The following CALN1 variants were observed in gnomAD, a reference collection of about 807,000 sequenced individuals.
CALN1 encodes calcium-binding protein 8.
A neutral mutation model predicts 30.6 loss-of-function variants in CALN1; 17 were observed. The observed-to-expected ratio is 0.56, with a 90% CI of 0.38 to 0.83. The LOEUF is 0.83. CALN1 is among the 40% of genes least tolerant of loss of function. CALN1 has a pLI of 0.00. For synonymous variants in CALN1, 156 were observed against 131.4 expected, an observed-to-expected ratio of 1.19 and a Z score of -1.28; for missense variants, 291 against 354.9, an observed-to-expected ratio of 0.82 and a Z score of 1.45.
At chr7:72,336,617 G>A (rs1293181601) in intron 2 of CALN1, 2 of 896,488 alleles carry the variant, frequency 2.2e-6, no homozygotes, top group African/African-American at 1.8e-5. Context: ...CCGGGGGTTT[G>A]GACACCCTAG....
intron 3 of CALN1, among the ~76,000 whole-genome samples, chr7:72,221,344 G>A (rs541885621): frequency 3.0e-3 from 425 of 140,416 alleles, no homozygotes; most frequent in South Asian, 0.019. Context: ...TTGAGACGGG[G>A]TATCTATCTG....
At chr7:71,901,196 G>T (rs1210918742) in intron 5 of CALN1, among the ~76,000 whole-genome samples, 1 of 151,982 alleles carries the variant, frequency 6.6e-6, no homozygotes, top group Non-Finnish European at 1.5e-5. Context: ...AAAATACCTA[G>T]AAATGCATTT....
chr7:71,904,995 G>A (rs1794052822), intron 5 of CALN1, among the ~76,000 whole-genome samples: 1 of 152,120 alleles, frequency 6.6e-6, no homozygotes, highest in Admixed American at 6.5e-5. Flanking sequence ...CTGGAGTGCA[G>A]TGGCGTGATC....
intron 3 of CALN1, among the ~76,000 whole-genome samples, chr7:72,227,017 C>G (rs561271603): frequency 1.3e-5 from 2 of 152,152 alleles, no homozygotes; most frequent in East Asian, 3.9e-4. Context: ...GCCTGGGCCA[C>G]AGAGCAAGAC....
intron 5 of CALN1, among the ~76,000 whole-genome samples, chr7:71,879,300 G>A (rs1395728929): frequency 2.0e-5 from 3 of 152,136 alleles, no homozygotes; most frequent in Admixed American, 6.5e-5. Context: ...TCCAGATTTT[G>A]GGGGCTACTA....
chr7:71,808,112 T>C (rs6460689), intron 6 of CALN1, among the ~76,000 whole-genome samples: 53,905 of 151,664 alleles, frequency 0.36, 10,262 homozygotes, highest in East Asian at 0.6. Flanking sequence ...AATACTACTA[T>C]AGTTATTGGT....
intron 5 of CALN1, among the ~76,000 whole-genome samples, chr7:71,855,366 G>A (rs1790884118): frequency 6.6e-6 from 1 of 152,126 alleles, no homozygotes; most frequent in East Asian, 1.9e-4. Flanking sequence ...GTGGAAATGT[G>A]ACATTCAGTT....
At chr7:71,851,030 T>C (rs961962646) in intron 5 of CALN1, among the ~76,000 whole-genome samples, 2 of 151,974 alleles carry the variant, frequency 1.3e-5, no homozygotes, top group Non-Finnish European at 1.5e-5. Flanking sequence ...CTGGGCAACA[T>C]AGCCAGACCT....
chr7:72,151,880 T>C (rs1563102107), intron 3 of CALN1, among the ~76,000 whole-genome samples: 1 of 147,982 alleles, frequency 6.8e-6, no homozygotes, highest in Non-Finnish European at 1.5e-5. Flanking sequence ...CCTGGCTATT[T>C]TTATTTTTTA....
intron 3 of CALN1, among the ~76,000 whole-genome samples, chr7:72,122,583 G>A (rs1286939125): frequency 1.3e-5 from 2 of 152,038 alleles, no homozygotes; most frequent in African/African-American, 4.8e-5. Flanking sequence ...AAAATTAGTC[G>A]GGCATGGTGG....
rs757866083 is a variant in CALN1 at position 72,115,571 on chromosome 7, C to T, written c.245-9277G>A. The stretch of plus-strand genomic sequence containing the variant: ...TGGTGCGATCTCGACTCACTGCAAC[C>T]TCCATCTCCTGGGTCCAAGCAATTC... On this transcript the variant is annotated intron_variant, in intron 3 of 6. Transcript: ENST00000395275. 2.1e-4 allele frequency among the ~76,000 whole-genome samples: 31 copies of T among 146,122 alleles called. No homozygotes were observed. The Middle Eastern group carries it at 0.018, about 84-fold the overall frequency.
At chr7:72,352,637 T>C (rs1802993299) in intron 2 of CALN1, among the ~76,000 whole-genome samples, 1 of 152,084 alleles carries the variant, frequency 6.6e-6, no homozygotes, top group Non-Finnish European at 1.5e-5. Flanking sequence ...TGAGATCAGC[T>C]AAAACAGTGC....
chr7:72,377,240 A>G (rs1386339444), intron 2 of CALN1, among the ~76,000 whole-genome samples: 1 of 152,144 alleles, frequency 6.6e-6, no homozygotes, highest in Non-Finnish European at 1.5e-5. Flanking sequence ...TTTTGACAGG[A>G]GTTGCATTGA....
At chr7:72,401,695 T>G (rs4128154) in intron 2 of CALN1, among the ~76,000 whole-genome samples, 77,777 of 151,964 alleles carry the variant, frequency 0.51, 20,207 homozygotes, top group East Asian at 0.72. Flanking sequence ...AAATTCCAAA[T>G]TCCCAAAATT....
intron 4 of CALN1, among the ~76,000 whole-genome samples, chr7:72,072,373 A>G (rs1009459577): frequency 2.0e-5 from 3 of 152,226 alleles, no homozygotes; most frequent in Non-Finnish European, 4.4e-5. Context: ...CCAATGTGCT[A>G]TAAGAAAAAA....
At chr7:72,301,545 T>C (rs950030670) in intron 2 of CALN1, among the ~76,000 whole-genome samples, 4 of 147,410 alleles carry the variant, frequency 2.7e-5, no homozygotes, top group Non-Finnish European at 4.4e-5. Context: ...GAGGCAGAGG[T>C]TGCAGTGTGC....
intron 3 of CALN1, among the ~76,000 whole-genome samples, chr7:72,262,745 T>C (rs1353912505): frequency 6.6e-6 from 1 of 152,152 alleles, no homozygotes; most frequent in Non-Finnish European, 1.5e-5. Flanking sequence ...TTTAAGAGGA[T>C]CCTGGTTCTA....
Position 72,328,115 on chromosome 7 carries a change from T to TA in CALN1, c.120-49306_120-49305insT, listed in dbSNP as rs781360699. On this transcript the variant is annotated intron_variant, in intron 2 of 6. Transcript: ENST00000395275. ...TCTGTATAGCTTTTAATTTCTTTTT[T>TA]TAAAAAAAAAATGTTTACTTTCATC... 8.8e-4 allele frequency among the ~76,000 whole-genome samples: 121 copies of TA among 136,876 alleles called. 1 individual carries two copies. Among genetic ancestry groups the TA allele is most frequent in the African/African-American group, 3.5e-3 (114 of 32,176 alleles). The allele number at this position is 136,876 out of a possible 152,430, so 89.8% of individuals were successfully genotyped here. A position where few individuals can be genotyped will look rare whatever the true frequency, so the allele number is the denominator to read the frequency against.
intron 5 of CALN1, among the ~76,000 whole-genome samples, chr7:72,015,306 T>G (rs1800312946): frequency 6.6e-6 from 1 of 152,246 alleles, no homozygotes; most frequent in African/African-American, 2.4e-5. Flanking sequence ...CAAGCCAGCG[T>G]TGACGTCACC....
Sources: gnomAD v4.1 joint callset for allele counts (sites outside exome capture counted in the v4.1 genomes callset) on GRCh38, gnomAD v4.1.1 for gene constraint, MANE v1.5 for transcripts, NCBI Gene and HGNC (gene_info 2026-07-23, HGNC 2026-07-21) for gene names.